TAF1: variants seen among roughly 807,000 people sequenced by gnomAD.
The protein encoded by TAF1 is TATA-box binding protein associated factor 1, also known as transcription initiation factor TFIID subunit 1.
In TAF1, 2 loss-of-function variants were observed where a neutral mutation model predicts 138.5. The observed-to-expected ratio is 0.01, with a 90% CI of 0.01 to 0.05. The LOEUF (loss-of-function observed/expected upper bound fraction) is 0.05, where lower values mean the gene tolerates loss of function less well. Among genes scored for constraint, TAF1 ranks in the 10% least tolerant of loss-of-function variants. TAF1 has a pLI of 1.00. For synonymous variants in TAF1, 437 were observed against 503.2 expected, an observed-to-expected ratio of 0.87 and a Z score of 1.76; for missense variants, 709 against 1,478.0, an observed-to-expected ratio of 0.48 and a Z score of 8.53.
Position 71,433,262 on chromosome X carries a change from CAGGGATTTGG to C in TAF1, c.4753+9026_4753+9035del, listed in dbSNP as rs2036978839. Among the ~76,000 whole-genome samples, 6 of 111,945 alleles carry C rather than the reference CAGGGATTTGG, an allele frequency of 5.4e-5. No homozygotes were observed. In the Admixed American group the frequency reaches 5.7e-4, roughly 11 times the overall value. On this transcript the variant is annotated intron_variant, in intron 32 of 37. Transcript: ENST00000423759. The stretch of plus-strand genomic sequence containing the variant: ...TGCAAACTATTGGCACAAAGATTTG[CAGGGATTTGG>C]ATAGGTTGTACATGTGAACAATAAG...
chrX:71,404,571 A>G (rs1484042338), intron 25 of TAF1, among the ~76,000 whole-genome samples: 1 of 110,914 alleles, frequency 9.0e-6, no homozygotes, highest in African/African-American at 3.3e-5. Context: ...TCCCGACCTC[A>G]GGTGATCTGC....
intron 13 of TAF1, among the ~76,000 whole-genome samples, chrX:71,502,017 C>A (rs961459293): frequency 1.8e-5 from 2 of 110,884 alleles, no homozygotes; most frequent in African/African-American, 6.6e-5. Context: ...AAAGGTAGCA[C>A]GGACCCAAAG....
At chrX:71,486,512 G>A (rs1241308098) in intron 13 of TAF1, among the ~76,000 whole-genome samples, 2 of 105,418 alleles carry the variant, frequency 1.9e-5, no homozygotes, top group Non-Finnish European at 3.9e-5. Flanking sequence ...ACACCACCAC[G>A]CCTGGCTATC....
At chrX:71,518,526 A>C (rs2039863174) in intron 13 of TAF1, among the ~76,000 whole-genome samples, 1 of 110,606 alleles carries the variant, frequency 9.0e-6, no homozygotes, top group Admixed American at 9.7e-5. Context: ...AATTGGGATA[A>C]TTCTGTGGGA....
chrX:71,378,383 G>T lies in TAF1; in HGVS notation c.1082G>T (p.Ser361Ile). The change falls in exon 7 of 38, where the codon AGT becomes ATT. Residue 361 changes from serine to isoleucine, a missense_variant. Physicochemically the swap from Ser to Ile is moderately radical, Grantham distance 142 (BLOSUM62 -2). This residue lies in a region of TAF1 where 201 missense variants were observed against 421.3 expected (regional missense o/e 0.48). Transcript: ENST00000423759. ...ATGCTGGGTGTCCCTGAAGATGGCAGTGGGTTTGACTATGGCTTCAAACTG... is the reference window on the plus strand; with the variant it reads ...ATGCTGGGTGTCCCTGAAGATGGCATTGGGTTTGACTATGGCTTCAAACTG... ...YDMLGVPEDGSGFDYGFKLRK... is the reference protein window; with the variant it reads ...YDMLGVPEDGIGFDYGFKLRK... 1.6e-6 allele frequency: 2 copies of T among 1,212,233 alleles called. No individual in the cohort carries two copies. Among genetic ancestry groups the T allele is most frequent in the Non-Finnish European group, 2.2e-6 (2 of 895,649 alleles).
rs191911594 is a variant in TAF1 at position 71,475,453 on chromosome X, C to T, written c.1366+14650C>T. On this transcript the variant is annotated intron_variant and NMD_transcript_variant, in intron 13 of 14. Transcript: ENST00000373775. The stretch of plus-strand genomic sequence containing the variant: ...ACAAAAAATTAGCCAGGCATGGTGG[C>T]GGGAGCCTGTAGTCCCAGTTACTCA... 5.7e-3 allele frequency among the ~76,000 whole-genome samples: 620 copies of T among 108,696 alleles called. 4 individuals carry two copies. The highest frequency in any genetic ancestry group is 0.02 in the African/African-American group (594 of 29,880). 94.4% of individuals were successfully genotyped at this position (108,696 alleles called of 115,157 possible).
At chrX:71,367,730 G>T in intron 2 of TAF1, 117 bp downstream of exon 2, 1 of 830,715 alleles carries the variant, frequency 1.2e-6, no homozygotes, top group South Asian at 2.6e-5. Context: ...GAGTGCAGTG[G>T]GGCGATCTGG....
intron 32 of TAF1, among the ~76,000 whole-genome samples, chrX:71,434,099 C>T (rs1482082375): frequency 1.8e-5 from 2 of 111,783 alleles, no homozygotes; most frequent in Non-Finnish European, 1.9e-5. Flanking sequence ...CTGGGTGCAG[C>T]GGCTCACTCC....
At chrX:71,413,157 G>T (rs963328442) in intron 28 of TAF1, among the ~76,000 whole-genome samples, 2 of 111,420 alleles carry the variant, frequency 1.8e-5, no homozygotes, top group Non-Finnish European at 3.8e-5. Context: ...AAACACTTGC[G>T]GTCCCAAGCA....
downstream of TAF1, among the ~76,000 whole-genome samples, chrX:71,469,587 T>G (rs2038842440): frequency 9.2e-6 from 1 of 108,906 alleles, no homozygotes; most frequent in Admixed American, 9.8e-5. Context: ...TCCCACCTAC[T>G]CGGGAGGCTC....
intron 32 of TAF1, among the ~76,000 whole-genome samples, chrX:71,442,553 G>C (rs1238891490): frequency 8.9e-6 from 1 of 111,872 alleles, no homozygotes; most frequent in Admixed American, 9.5e-5. Flanking sequence ...TGTAGATTCT[G>C]GATATTAGCT....
intron 13 of TAF1, among the ~76,000 whole-genome samples, chrX:71,487,317 ATTTTTTTT>A (rs60691914): frequency 2.2e-4 from 12 of 55,007 alleles, no homozygotes; most frequent in African/African-American, 7.5e-4. Flanking sequence ...TAATGTATGT[ATTTTTTTT>A]TTTTTTTTTT....
chrX:71,432,102 G>GT (rs2036919798), intron 32 of TAF1, among the ~76,000 whole-genome samples: 1 of 110,659 alleles, frequency 9.0e-6, no homozygotes, highest in Non-Finnish European at 1.9e-5. Context: ...TGAAGTGGTA[G>GT]GATAAAAAGC....
intron 13 of TAF1, among the ~76,000 whole-genome samples, chrX:71,509,921 A>G (rs1032163952): frequency 9.0e-5 from 10 of 110,933 alleles, no homozygotes; most frequent in African/African-American, 3.3e-4. Context: ...AGAGGTTGCA[A>G]TGAGCCAAGA....
At chrX:71,459,770 T>C in intron 36 of TAF1, 62 bp downstream of exon 36, 2 of 1,180,851 alleles carry the variant, frequency 1.7e-6, no homozygotes, top group South Asian at 3.9e-5. Flanking sequence ...AGAACTGGAC[T>C]GGATAGGCGC....
chrX:71,421,179 C>G, intron 28 of TAF1, 130 bp from the exon 29 acceptor site: 1 of 539,585 alleles, frequency 1.9e-6, no homozygotes, highest in Non-Finnish European at 3.2e-6. Flanking sequence ...GTGTATCTGT[C>G]TAACCCATCA....
intron 27 of TAF1, 146 bp from the exon 28 acceptor site, chrX:71,407,828 G>T: frequency 3.1e-6 from 3 of 967,344 alleles, no homozygotes; most frequent in Non-Finnish European, 2.8e-6. Context: ...TTTTTAAGCA[G>T]TTTAGTAGAG....
intron 28 of TAF1, among the ~76,000 whole-genome samples, chrX:71,418,501 CAAGT>C (rs2036147683): frequency 8.9e-6 from 1 of 112,529 alleles, no homozygotes; most frequent in Admixed American, 9.5e-5. Flanking sequence ...AATGAATAAA[CAAGT>C]GAATGCTGAA....
chrX:71,393,044 G>A lies in TAF1; in HGVS notation c.3051+50G>A, dbSNP rs760961175. 3.4e-6 allele frequency: 4 copies of A among 1,191,674 alleles called. No homozygotes were observed. In the East Asian group the frequency reaches 1.2e-4, roughly 35 times the overall value. The stretch of plus-strand genomic sequence containing the variant: ...GAGTATACTAGGGGCTTTGTATAGA[G>A]TTGGAATTGCTAGGAGGCAGATGTA... On this transcript the variant is annotated intron_variant, in intron 20 of 37. Transcript: ENST00000423759.
Sources: gnomAD v4.1 joint callset for allele counts (sites outside exome capture counted in the v4.1 genomes callset) on GRCh38, gnomAD v4.1.1 for gene constraint, gnomAD v4.1.1 regional missense constraint, MANE v1.5 for transcripts, NCBI Gene and HGNC (gene_info 2026-07-23, HGNC 2026-07-21) for gene names.